Variants in STARD9 observed in about 807,000 individuals in gnomAD.
The protein encoded by STARD9 is StAR related lipid transfer domain containing 9, also known as stAR-related lipid transfer protein 9.
A neutral mutation model predicts 399.8 loss-of-function variants in STARD9; 346 were observed. That is an observed-to-expected ratio of 0.87 (90% confidence interval 0.79 to 0.95). The LOEUF (loss-of-function observed/expected upper bound fraction) is 0.95, where lower values mean the gene tolerates loss of function less well. Ranked by LOEUF, STARD9 falls within the 40% of genes least tolerant of loss-of-function variation. The pLI is 0.00. For missense variants in STARD9, 5,832 were observed against 5,667.5 expected, an observed-to-expected ratio of 1.03 and a Z score of -0.93; for synonymous variants, 2,203 against 2,143.5, an observed-to-expected ratio of 1.03 and a Z score of -0.77.
rs869040683 is a variant in STARD9, at chr15:42,677,089, TAAAA to T, written c.1874+1139_1874+1142del. ...AACATGGTGAAACCCCGTCTCTACT[TAAAA>T]AAAAAAAAAAAAAAAAAAAAAAAAG... is the stretch of plus-strand genomic sequence containing the variant. On this transcript the variant is annotated intron_variant, in intron 20 of 32. Transcript: ENST00000290607. Among the ~76,000 whole-genome samples the T allele has an allele frequency of 5.9e-3, 315 of 53,586 alleles. 2 individuals carry two copies. Among genetic ancestry groups the T allele is most frequent in the African/African-American group, 0.026 (304 of 11,538 alleles). The allele number at this position is 53,586 out of a possible 152,430, so 35.2% of individuals were successfully genotyped here.
At chr15:42,624,616 T>A (rs1184307621) in intron 3 of STARD9, among the ~76,000 whole-genome samples, 1 of 152,050 alleles carries the variant, frequency 6.6e-6, no homozygotes, top group African/African-American at 2.4e-5. Flanking sequence ...TGACGCAATC[T>A]TGGCTCGCTG....
In STARD9 at chr15:42,685,095, G is replaced by A. The variant is rs1304451967; in HGVS notation, c.3517G>A (p.Gly1173Ser). The A allele has an allele frequency of 6.5e-7, 1 of 1,537,040 alleles. No individual in the cohort carries two copies. Among genetic ancestry groups the A allele is most frequent in the Non-Finnish European group, 8.7e-7 (1 of 1,146,930 alleles). The change falls in exon 23 of 33, where the codon GGC becomes AGC. Residue 1173 changes from glycine to serine, a missense_variant. Gly to Ser is a moderately conservative substitution (Grantham distance 56, BLOSUM62 0). Around this residue, in one of 2 missense-constraint regions of STARD9, gnomAD observed 5,828 missense variants for 5,651.1 expected, o/e 1.03. Transcript: ENST00000290607. ...GGGCAATCGTCCCACCAACAACCGTGGCCAACCCAGGACCAGAACTAGAGC... is the reference window on the plus strand; with the variant it reads ...GGGCAATCGTCCCACCAACAACCGTAGCCAACCCAGGACCAGAACTAGAGC... ...LGGNRPTNNRGQPRTRTRASV... is the reference protein window; with the variant it reads ...LGGNRPTNNRSQPRTRTRASV...
chr15:42,716,963 C>T lies in STARD9; in HGVS notation c.13409C>T (p.Pro4470Leu), dbSNP rs964344084. 2 of 1,537,230 alleles carry T rather than the reference C, an allele frequency of 1.3e-6. No homozygotes were observed. The highest frequency in any genetic ancestry group is 2.4e-5 in the East Asian group (1 of 40,918). ...RASLGSCCCSPSSLSSLGTCF... is the reference protein window; with the variant it reads ...RASLGSCCCSLSSLSSLGTCF... ...TCCCTGGGCAGTTGCTGCTGTTCACCATCCAGTCTGTCCAGCTTGGGGACC... is the reference window on the plus strand; with the variant it reads ...TCCCTGGGCAGTTGCTGCTGTTCACTATCCAGTCTGTCCAGCTTGGGGACC... The change falls in exon 28 of 33, where the codon CCA (proline) becomes CTA (leucine). Residue 4470 changes from proline to leucine, a missense_variant. Coordinates refer to ENST00000290607, the MANE Select transcript of STARD9 (RefSeq NM_020759.3).
intron 26 of STARD9, among the ~76,000 whole-genome samples, chr15:42,699,285 T>A: frequency 6.6e-6 from 1 of 152,038 alleles, no homozygotes; most frequent in Non-Finnish European, 1.5e-5. Flanking sequence ...TTTCTAACTT[T>A]GTACCTGTTG....
At chr15:42,612,094 A>G (rs972863367) in intron 3 of STARD9, among the ~76,000 whole-genome samples, 1 of 152,134 alleles carries the variant, frequency 6.6e-6, no homozygotes, top group Non-Finnish European at 1.5e-5. Flanking sequence ...TCAGGGCCTT[A>G]GCCTCCTGAA....
chr15:42,684,529 G>A lies in STARD9; in HGVS notation c.2951G>A (p.Ser984Asn). 1.3e-6 allele frequency: 2 copies of A among 1,537,262 alleles called. No homozygotes were observed. Among genetic ancestry groups the A allele is most frequent in the Non-Finnish European group, 1.7e-6 (2 of 1,146,912 alleles). Residue 984 changes from serine to asparagine, a missense_variant, in exon 23 of 33, where the codon AGC becomes AAC. Around this residue, in one of 2 missense-constraint regions of STARD9, gnomAD observed 5,828 missense variants for 5,651.1 expected, o/e 1.03. Transcript: ENST00000290607. ...TRGAKGLADP[S>N]HTQAGWRKEG... ...GGGGCGAAGGGACTAGCAGACCCTA[G>A]CCACACACAAGCTGGGTGGCGAAAA...
intron 13 of STARD9, among the ~76,000 whole-genome samples, chr15:42,664,592 C>T (rs2060052446): frequency 6.6e-6 from 1 of 152,152 alleles, no homozygotes; most frequent in African/African-American, 2.4e-5. Context: ...GTCTCAAACT[C>T]CTGGACTCAA....
chr15:42,692,076 C>T lies in STARD9; in HGVS notation c.10498C>T (p.Pro3500Ser). ...AGTCGATGTTTCCTGCAGCCAGAAGCCCCAGGGGCTGACACTATCAAATGT... is the reference window on the plus strand; with the variant it reads ...AGTCGATGTTTCCTGCAGCCAGAAGTCCCAGGGGCTGACACTATCAAATGT... Reference protein sequence around the residue: ...SAVDVSCSQKPQGLTLSNVAR... With the variant: ...SAVDVSCSQKSQGLTLSNVAR... Residue 3500 changes from proline (P) to serine (S), a missense_variant, in exon 23 of 33, where the codon CCC becomes TCC. By Grantham distance (74) the Pro-to-Ser change is moderately conservative. Around this residue, in one of 2 missense-constraint regions of STARD9, gnomAD observed 5,828 missense variants for 5,651.1 expected, o/e 1.03. Coordinates refer to ENST00000290607, the MANE Select transcript of STARD9 (RefSeq NM_020759.3). 1 of 1,537,230 alleles carries T rather than the reference C, an allele frequency of 6.5e-7. No individual in the cohort carries two copies. Among genetic ancestry groups the T allele is most frequent in the Non-Finnish European group, 8.7e-7 (1 of 1,146,916 alleles).
chr15:42,685,919 C>T lies in STARD9; in HGVS notation c.4341C>T (p.Asp1447=), dbSNP rs2060543406. The T allele has an allele frequency of 1.3e-6, 2 of 1,537,080 alleles. No individual in the cohort carries two copies. Among genetic ancestry groups the T allele is most frequent in the Middle Eastern group, 1.7e-4 (1 of 6,012 alleles). The change falls in exon 23 of 33, where the codon GAC becomes GAT. Residue 1447 remains aspartate, a synonymous_variant. Coordinates refer to ENST00000290607, the MANE Select transcript of STARD9 (RefSeq NM_020759.3). Reference sequence around the variant, plus strand: ...CCTTTCAGGGCAGATGTATCCCTGACATGACCCAGCAGGGCAGCTCTGAAG... The same window carrying T: ...CCTTTCAGGGCAGATGTATCCCTGATATGACCCAGCAGGGCAGCTCTGAAG... The part of the protein sequence containing the change: ...DGTFQGRCIP[D]MTQQGSSEAS...
intron 9 of STARD9, among the ~76,000 whole-genome samples, chr15:42,656,323 C>A (rs2059869870): frequency 1.1e-5 from 1 of 90,870 alleles, no homozygotes; most frequent in Non-Finnish European, 2.0e-5. Flanking sequence ...CTCCAGCCAT[C>A]TCCTAAAAAA....
At chr15:42,608,739 A>G (rs918721293) in intron 3 of STARD9, among the ~76,000 whole-genome samples, 1 of 152,214 alleles carries the variant, frequency 6.6e-6, no homozygotes, top group African/African-American at 2.4e-5. Flanking sequence ...CACAATCAAA[A>G]ATATGAAAAC....
intron 3 of STARD9, among the ~76,000 whole-genome samples, chr15:42,600,913 A>G (rs1162309453): frequency 3.1e-5 from 4 of 127,260 alleles, no homozygotes; most frequent in African/African-American, 1.2e-4. Context: ...TGTTTCTCGG[A>G]GAGGGGGATT....
chr15:42,580,250 C>T (rs1318359913), intron 1 of STARD9, among the ~76,000 whole-genome samples: 1 of 152,198 alleles, frequency 6.6e-6, no homozygotes, highest in Non-Finnish European at 1.5e-5. Flanking sequence ...TGCTCTGTCC[C>T]AAGGGACAAA....
rs564320988 is a variant in STARD9, at chr15:42,685,077, C to T, written c.3499C>T (p.Arg1167Cys). Reference sequence around the variant, plus strand: ...CCCCAAAAACAGGCTAGGGGGCAATCGTCCCACCAACAACCGTGGCCAACC... The same window carrying T: ...CCCCAAAAACAGGCTAGGGGGCAATTGTCCCACCAACAACCGTGGCCAACC... ...QSPKNRLGGN[R>C]PTNNRGQPRT... The change falls in exon 23 of 33, where the codon CGT (arginine) becomes TGT (cysteine). Residue 1167 changes from arginine to cysteine, a missense_variant. This residue lies in a region of STARD9 where 5,828 missense variants were observed against 5,651.1 expected (regional missense o/e 1.03). Coordinates refer to ENST00000290607, the MANE Select transcript of STARD9 (RefSeq NM_020759.3). 3.1e-5 allele frequency: 47 copies of T among 1,537,196 alleles called. No individual in the cohort carries two copies. The African/African-American group carries it at 5.9e-4, about 19-fold the overall frequency.
intron 21 of STARD9, 112 bp downstream of exon 21, chr15:42,681,724 T>C (rs1308117959): frequency 3.0e-6 from 3 of 999,486 alleles, no homozygotes; most frequent in Non-Finnish European, 4.3e-6. Context: ...GATGGAATCT[T>C]TGGTATTAGG....
intron 1 of STARD9, among the ~76,000 whole-genome samples, chr15:42,578,330 C>G (rs2141638065): frequency 6.6e-6 from 1 of 152,142 alleles, no homozygotes; most frequent in African/African-American, 2.4e-5. Context: ...AGGCTGGTCT[C>G]AAACTCCTGA....
At chr15:42,578,921 T>C (rs1336543799) in intron 1 of STARD9, among the ~76,000 whole-genome samples, 1 of 152,200 alleles carries the variant, frequency 6.6e-6, no homozygotes. Context: ...GGTCTTTTCA[T>C]AGTTCAAAAG....
chr15:42,672,166 T>G (rs958091308), intron 16 of STARD9: 2 of 152,292 alleles, frequency 1.3e-5, no homozygotes, highest in East Asian at 3.8e-4. Context: ...TTTGTTGGTT[T>G]GTTTGTCACT....
Position 42,718,757 on chromosome 15 carries a change from C to CCTGT in STARD9, c.13854_13857dup (p.Met4620CysfsTer9). On this transcript the variant is annotated frameshift_variant, in exon 32 of 33. Coordinates refer to ENST00000290607, the MANE Select transcript of STARD9 (RefSeq NM_020759.3). LOFTEE classifies it high-confidence loss of function. ...CCATTTCCCTCTGTCCCCAGGGTCA[C>CCTGT]CTGTCTGTCATGGCAGCCCAGTCTG... The CCTGT allele has an allele frequency of 6.5e-7, 1 of 1,537,228 alleles. No homozygotes were observed. Among genetic ancestry groups the CCTGT allele is most frequent in the South Asian group, 1.2e-5 (1 of 84,060 alleles).
Sources: allele counts gnomAD v4.1 joint callset (sites outside exome capture counted in the v4.1 genomes callset), GRCh38; gene constraint gnomAD v4.1.1; regional missense constraint gnomAD v4.1.1; transcripts MANE v1.5; gene names NCBI Gene and HGNC (gene_info 2026-07-23, HGNC 2026-07-21).